Variants in NAP1L4 observed in about 807,000 individuals in gnomAD.
NAP1L4 encodes nucleosome assembly protein 1-like 4.
A neutral mutation model predicts 58.2 loss-of-function variants in NAP1L4; 15 were observed. The observed-to-expected ratio is 0.26, with a 90% confidence interval of 0.17 to 0.40. The LOEUF (loss-of-function observed/expected upper bound fraction) is 0.40, where lower values mean the gene tolerates loss of function less well. Ranked by LOEUF, NAP1L4 falls within the 10% of genes least tolerant of loss-of-function variation. NAP1L4 has a pLI of 1.00. For synonymous variants in NAP1L4, 171 were observed against 155.6 expected, an observed-to-expected ratio of 1.10 and a Z score of -0.74; for missense variants, 384 against 451.1, an observed-to-expected ratio of 0.85 and a Z score of 1.35.
Position 2,954,594 on chromosome 11 carries a change from A to T in NAP1L4, c.968T>A (p.Phe323Tyr). 3.1e-6 allele frequency: 5 copies of T among 1,614,166 alleles called. No individual in the cohort carries two copies. The highest frequency in any genetic ancestry group is 4.2e-6 in the Non-Finnish European group (5 of 1,180,020). Residue 323 changes from phenylalanine to tyrosine, a missense_variant, in exon 12 of 16, where the codon TTC becomes TAC. Transcript: ENST00000380542. This position sits in a 1 kb window ranked among gnomAD's most constrained non-coding sequence, Gnocchi z 4.8. ...LASDFEIGHFFRERIVPRAVL... is the reference protein window; with the variant it reads ...LASDFEIGHFYRERIVPRAVL... ...AGCCCGCGGGACTATCCGCTCACGG[A>T]AAAAGTGTCCAATTTCAAAATCAGA...
chr11:2,968,199 T>C (rs1460142102), intron 7 of NAP1L4, among the ~76,000 whole-genome samples: 4 of 152,198 alleles, frequency 2.6e-5, no homozygotes, highest in Non-Finnish European at 4.4e-5. Flanking sequence ...CTCCCTGCCA[T>C]GGAGATTTTC....
At chr11:2,984,719 C>T (rs954825347) in intron 1 of NAP1L4, among the ~76,000 whole-genome samples, 1 of 152,208 alleles carries the variant, frequency 6.6e-6, no homozygotes, top group Non-Finnish European at 1.5e-5. Context: ...TCCTCTGGAC[C>T]TCAGTTTCAT....
intron 3 of NAP1L4, 58 bp downstream of exon 3, chr11:2,978,226 C>G (rs1239883134): frequency 7.9e-6 from 12 of 1,525,308 alleles, no homozygotes; most frequent in Middle Eastern, 1.7e-4. Flanking sequence ...ATAAATGTTT[C>G]CAGAGAGAGG....
In NAP1L4 at chr11:2,986,172, G is replaced by A. The variant is rs978033374; in HGVS notation, c.-18+6082C>T. 4.6e-5 allele frequency among the ~76,000 whole-genome samples: 7 copies of A among 152,070 alleles called. No individual in the cohort carries two copies. The South Asian group carries it at 6.2e-4, about 13-fold the overall frequency. The stretch of plus-strand genomic sequence containing the variant: ...GCGGATCACATGAGGTCGGGAGTTC[G>A]AGGTCAGCCTGGCCAACGTGGTGAA... On this transcript the variant is annotated intron_variant, in intron 1 of 15. Transcript: ENST00000380542.
intron 10 of NAP1L4, among the ~76,000 whole-genome samples, chr11:2,957,268 CA>C (rs1401113345): frequency 1.3e-5 from 2 of 151,978 alleles, no homozygotes; most frequent in Non-Finnish European, 2.9e-5. Context: ...AGGAATCTTC[CA>C]AAAAAAGGAA....
chr11:2,990,916 GTCCAACAACC>G (rs1848925076), intron 1 of NAP1L4: 1 of 341,288 alleles, frequency 2.9e-6, no homozygotes. Flanking sequence ...TACCTTTAAG[GTCCAACAACC>G]TAATCTACAT....
In NAP1L4 at chr11:2,982,519, A is replaced by G. The variant is rs1293927612; in HGVS notation, c.-17-3282T>C. Among the ~76,000 whole-genome samples the G allele has an allele frequency of 3.9e-5, 6 of 152,354 alleles. No homozygotes were observed. The East Asian group carries it at 1.2e-3, about 29-fold the overall frequency. On this transcript the variant is annotated intron_variant, in intron 1 of 15. Coordinates refer to ENST00000380542, the MANE Select transcript of NAP1L4 (RefSeq NM_005969.4). Reference sequence around the variant, plus strand: ...AAGGGACCTACATGTCAGGCACTTCATACATTTAATACCAAGAGAAACTCC... The same window carrying G: ...AAGGGACCTACATGTCAGGCACTTCGTACATTTAATACCAAGAGAAACTCC...
At chr11:2,983,813 TCTACAAAAA>T (rs1332920239) in intron 1 of NAP1L4, 2 of 151,456 alleles carry the variant, frequency 1.3e-5, no homozygotes, top group African/African-American at 4.9e-5. Context: ...AAACCTCGTC[TCTACAAAAA>T]CAACAAAAAA....
intron 12 of NAP1L4, chr11:2,952,121 G>A: frequency 2.3e-6 from 1 of 432,056 alleles, no homozygotes; most frequent in South Asian, 4.0e-5. Flanking sequence ...CCGAGGAGCA[G>A]GCACACAGGA....
chr11:2,973,814 G>C (rs571585908), intron 4 of NAP1L4, among the ~76,000 whole-genome samples: 1 of 152,242 alleles, frequency 6.6e-6, no homozygotes, highest in Non-Finnish European at 1.5e-5. Flanking sequence ...TGTTGCCCAG[G>C]CTGCAGTGCA....
intron 12 of NAP1L4, among the ~76,000 whole-genome samples, chr11:2,953,821 A>G (rs939410992): frequency 1.1e-4 from 17 of 152,232 alleles, no homozygotes; most frequent in Non-Finnish European, 2.4e-4. Flanking sequence ...AGACCTTCTA[A>G]GAAAAGAAAC....
At chr11:2,965,797 T>C (rs1434372198) in intron 7 of NAP1L4, among the ~76,000 whole-genome samples, 1 of 152,186 alleles carries the variant, frequency 6.6e-6, no homozygotes. Flanking sequence ...CCCAAAGTGC[T>C]GGGATTACAG....
chr11:2,990,337 CTAAA>C (rs1429827034), intron 1 of NAP1L4: 6 of 152,330 alleles, frequency 3.9e-5, no homozygotes, highest in Admixed American at 3.9e-4. Flanking sequence ...TGAACTACTA[CTAAA>C]TAACTAATTT....
At chr11:2,957,793 T>C (rs1384263429) in intron 10 of NAP1L4, among the ~76,000 whole-genome samples, 1 of 152,224 alleles carries the variant, frequency 6.6e-6, no homozygotes, top group Non-Finnish European at 1.5e-5. Flanking sequence ...ATTCTGCCGA[T>C]GTTTTTCAAA....
In NAP1L4 at chr11:2,958,519, T is replaced by C; in HGVS notation, c.772A>G (p.Lys258Glu). ...DGCTIDWKKG[K>E]NVTVKTIKKK... Reference sequence around the variant, plus strand: ...TTGATGGTTTTGACAGTAACATTCTTTCCTTTCTTCCAGTCAATAGTACAC... The same window carrying C: ...TTGATGGTTTTGACAGTAACATTCTCTCCTTTCTTCCAGTCAATAGTACAC... Residue 258 changes from lysine (K) to glutamate (E), a missense_variant, in exon 10 of 16, where the codon AAG (lysine) becomes GAG (glutamate). This residue lies in a region of NAP1L4 where 296 missense variants were observed against 360.8 expected (regional missense o/e 0.82). Coordinates refer to ENST00000380542, the MANE Select transcript of NAP1L4 (RefSeq NM_005969.4). The C allele has an allele frequency of 6.2e-7, 1 of 1,614,120 alleles. No homozygotes were observed. The highest frequency in any genetic ancestry group is 8.5e-7 in the Non-Finnish European group (1 of 1,180,004).
At chr11:2,984,189 AG>A (rs1848492345) in intron 1 of NAP1L4, among the ~76,000 whole-genome samples, 1 of 134,248 alleles carries the variant, frequency 7.4e-6, no homozygotes, top group African/African-American at 2.8e-5. Context: ...AAAAAAAAAA[AG>A]GCAACAAACC....
At chr11:2,981,156 C>T (rs575029337) in intron 1 of NAP1L4, among the ~76,000 whole-genome samples, 271 of 150,760 alleles carry the variant, frequency 1.8e-3, no homozygotes, top group African/African-American at 6.0e-3. Flanking sequence ...GAGAATCGCT[C>T]GAGCACAGGA....
At chr11:2,964,659 G>C in intron 8 of NAP1L4, 21 bp downstream of exon 8, 1 of 1,603,524 alleles carries the variant, frequency 6.2e-7, no homozygotes, top group Non-Finnish European at 8.5e-7. Flanking sequence ...ATGCCAACCA[G>C]AAGGTCAAGT....
Position 2,954,745 on chromosome 11 carries a change from T to C in NAP1L4, c.916-99A>G. ...CCTCAGCCCCTCACTTTTGATTTAC[T>C]TAACTTAAAACACCAAACTCCTGCA... On this transcript the variant is annotated intron_variant, in intron 11 of 15. Coordinates refer to ENST00000380542, the MANE Select transcript of NAP1L4 (RefSeq NM_005969.4). The surrounding 1 kb of genome is among the most constrained non-coding windows in gnomAD (Gnocchi z 4.8). 6.5e-7 allele frequency: 1 copy of C among 1,533,352 alleles called. No homozygotes were observed. The highest frequency in any genetic ancestry group is 9.0e-7 in the Non-Finnish European group (1 of 1,113,570). The allele number at this position is 1,533,352 out of a possible 1,614,324, so 95.0% of individuals were successfully genotyped here.
Sources: allele counts gnomAD v4.1 joint callset (sites outside exome capture counted in the v4.1 genomes callset), GRCh38; gene constraint gnomAD v4.1.1; regional missense constraint gnomAD v4.1.1; non-coding constraint Gnocchi (gnomAD v3.1); transcripts MANE v1.5; gene names NCBI Gene and HGNC (gene_info 2026-07-23, HGNC 2026-07-21).